Variants in FBXL7 observed in about 807,000 individuals in gnomAD.
FBXL7 encodes the protein F-box/LRR-repeat protein 7.
Under a neutral mutation model 38.3 loss-of-function variants are expected in FBXL7, and 12 were observed. The observed-to-expected ratio is 0.31, with a 90% CI of 0.20 to 0.51. FBXL7 has a LOEUF of 0.51. Among genes scored for constraint, FBXL7 ranks in the 20% least tolerant of loss-of-function variants. FBXL7 has a pLI of 0.98. For synonymous variants in FBXL7, 297 were observed against 300.9 expected (o/e 0.99, Z 0.13); for missense variants, 567 against 676.4 (o/e 0.84, Z 1.79).
intron 1 of FBXL7, among the ~76,000 whole-genome samples, chr5:15,505,157 T>C (rs1736611144): frequency 6.6e-6 from 1 of 152,202 alleles, no homozygotes; most frequent in Non-Finnish European, 1.5e-5. Flanking sequence ...GAAATTATAA[T>C]AACAGTGGCA....
chr5:15,552,545 C>G (rs1350987988), intron 1 of FBXL7, among the ~76,000 whole-genome samples: 2 of 152,134 alleles, frequency 1.3e-5, no homozygotes, highest in Non-Finnish European at 2.9e-5. Context: ...TCATCCTGGC[C>G]CTTTCAGAGA....
chr5:15,930,330 G>A (rs1465275787), intron 3 of FBXL7, among the ~76,000 whole-genome samples: 5 of 152,168 alleles, frequency 3.3e-5, no homozygotes, highest in Non-Finnish European at 5.9e-5. Context: ...AAGAAATGGC[G>A]AAGGACTGGG....
chr5:15,833,016 T>G (rs1366497589), intron 2 of FBXL7, among the ~76,000 whole-genome samples: 3 of 152,278 alleles, frequency 2.0e-5, no homozygotes, highest in African/African-American at 4.8e-5. Context: ...ACAAGTTCTC[T>G]TCTCTTGTCT....
intron 2 of FBXL7, among the ~76,000 whole-genome samples, chr5:15,734,733 A>G (rs549526641): frequency 2.3e-4 from 35 of 152,248 alleles, no homozygotes; most frequent in Non-Finnish European, 4.1e-4. Context: ...GGTAGTTCAG[A>G]AAAGGAAAGA....
chr5:15,673,779 A>AT lies in FBXL7; in HGVS notation c.127+57718dup, dbSNP rs962212973. The stretch of plus-strand genomic sequence containing the variant: ...ATCTTGGCTCTTAATTATTATTATT[A>AT]TTTTTTTTTTTAGTATTCAGCCAAC... On this transcript the variant is annotated intron_variant, in intron 2 of 3. Coordinates refer to ENST00000504595, the MANE Select transcript of FBXL7 (RefSeq NM_012304.5). Among the ~76,000 whole-genome samples the AT allele has an allele frequency of 8.1e-3, 1,188 of 147,388 alleles. 15 individuals are homozygous for AT. The highest frequency in any genetic ancestry group is 0.026 in the African/African-American group (1,048 of 40,450).
intron 1 of FBXL7, among the ~76,000 whole-genome samples, chr5:15,552,504 C>T (rs1309797604): frequency 2.0e-5 from 3 of 152,232 alleles, no homozygotes; most frequent in African/African-American, 7.2e-5. Context: ...CTCAAGATAT[C>T]AGTCTCATCC....
chr5:15,937,206 C>G lies in FBXL7; in HGVS notation c.*20C>G. ...TTCTGAAGGGACAGAGTTCATCCGG[C>G]GTTGTATTCACACAAACCTGAACAA... On this transcript the variant is annotated 3_prime_UTR_variant, in exon 4 of 4. Coordinates refer to ENST00000504595, the MANE Select transcript of FBXL7 (RefSeq NM_012304.5). 6.4e-7 allele frequency: 1 copy of G among 1,553,624 alleles called. No individual in the cohort carries two copies. Among genetic ancestry groups the G allele is most frequent in the Non-Finnish European group, 8.7e-7 (1 of 1,149,094 alleles).
In FBXL7 at chr5:15,634,645, C is replaced by T. The variant is rs974468491; in HGVS notation, c.127+18573C>T. 5.3e-5 allele frequency among the ~76,000 whole-genome samples: 8 copies of T among 152,236 alleles called. No individual in the cohort carries two copies. The South Asian group carries it at 6.2e-4, about 12-fold the overall frequency. ...TTTATGCATCAGTTTCCTGATGCTA[C>T]TATAACAAATGATGGCTAACTTAGT... On this transcript the variant is annotated intron_variant, in intron 2 of 3. Transcript: ENST00000504595.
At chr5:15,768,348 G>A (rs569123952) in intron 2 of FBXL7, among the ~76,000 whole-genome samples, 10 of 152,106 alleles carry the variant, frequency 6.6e-5, no homozygotes, top group East Asian at 1.9e-4. Context: ...TGGCTAACAC[G>A]GTGAAACCCA....
At chr5:15,563,328 C>A (rs1274319575) in intron 1 of FBXL7, among the ~76,000 whole-genome samples, 2 of 152,154 alleles carry the variant, frequency 1.3e-5, no homozygotes, top group Non-Finnish European at 2.9e-5. Flanking sequence ...CCTACTTCAT[C>A]ACGTTAATTG....
chr5:15,566,054 A>G (rs1738564326), intron 1 of FBXL7, among the ~76,000 whole-genome samples: 1 of 152,148 alleles, frequency 6.6e-6, no homozygotes, highest in Admixed American at 6.6e-5. Flanking sequence ...GATAGGAAGA[A>G]TAAAATATAG....
intron 1 of FBXL7, among the ~76,000 whole-genome samples, chr5:15,529,542 T>C (rs148862547): frequency 0.011 from 1,706 of 152,082 alleles, 29 homozygotes; most frequent in African/African-American, 0.038. Flanking sequence ...CCCGCCACCA[T>C]GCCCGGCTAA....
At chr5:15,835,345 T>C (rs1163890974) in intron 2 of FBXL7, among the ~76,000 whole-genome samples, 3 of 152,240 alleles carry the variant, frequency 2.0e-5, no homozygotes, top group Non-Finnish European at 4.4e-5. Context: ...AGTGGTCTGA[T>C]AATTAGACCT....
At chr5:15,783,579 C>G (rs970241101) in intron 2 of FBXL7, among the ~76,000 whole-genome samples, 3 of 152,030 alleles carry the variant, frequency 2.0e-5, no homozygotes, top group African/African-American at 4.8e-5. Flanking sequence ...AATAGGAGGT[C>G]AGAAGGAGTA....
chr5:15,741,449 T>A (rs554771425), intron 2 of FBXL7, among the ~76,000 whole-genome samples: 3 of 152,328 alleles, frequency 2.0e-5, no homozygotes, highest in South Asian at 2.1e-4. Context: ...GAATTTTTTT[T>A]ACCAAAAGTT....
At chr5:15,540,140 G>T (rs185380819) in intron 1 of FBXL7, among the ~76,000 whole-genome samples, 1 of 152,174 alleles carries the variant, frequency 6.6e-6, no homozygotes, top group East Asian at 1.9e-4. Flanking sequence ...CATGAGTCAG[G>T]GTTGTGGTTA....
intron 2 of FBXL7, among the ~76,000 whole-genome samples, chr5:15,723,613 A>T (rs911328203): frequency 1.3e-5 from 2 of 152,258 alleles, no homozygotes; most frequent in African/African-American, 4.8e-5. Flanking sequence ...GTCGAAGGAC[A>T]CAGCCTCAAG....
chr5:15,916,353 TGA>T (rs1265818607), intron 2 of FBXL7, among the ~76,000 whole-genome samples: 7 of 142,526 alleles, frequency 4.9e-5, no homozygotes, highest in African/African-American at 1.8e-4. Context: ...GTTTGATATT[TGA>T]GAGAGATGCA....
chr5:15,563,090 C>G (rs1364771119), intron 1 of FBXL7, among the ~76,000 whole-genome samples: 1 of 152,072 alleles, frequency 6.6e-6, no homozygotes, highest in African/African-American at 2.4e-5. Context: ...AACAATGCTT[C>G]CATATGTCTT....
Sources: allele counts gnomAD v4.1 joint callset (sites outside exome capture counted in the v4.1 genomes callset), GRCh38; gene constraint gnomAD v4.1.1; transcripts MANE v1.5; gene names NCBI Gene and HGNC (gene_info 2026-07-23, HGNC 2026-07-21).